The following BAG3 variants were observed in gnomAD, a reference collection of about 807,000 sequenced individuals.
BAG3 encodes the protein BAG family molecular chaperone regulator 3.
A neutral mutation model predicts 40.5 loss-of-function variants in BAG3; 14 were observed. The observed-to-expected ratio is 0.35, with a 90% CI of 0.23 to 0.54. The LOEUF is 0.54. BAG3 is among the 20% of genes least tolerant of loss of function. The pLI is 0.91. For synonymous variants in BAG3, 302 were observed against 307.8 expected (o/e 0.98, Z 0.20); for missense variants, 788 against 758.6 (o/e 1.04, Z -0.46).
intron 1 of BAG3, among the ~76,000 whole-genome samples, chr10:119,665,119 T>TGTGTGTGTGTGTGG (rs1847043709): frequency 1.3e-5 from 1 of 76,438 alleles, no homozygotes; most frequent in Non-Finnish European, 3.0e-5. Context: ...TGTGTGTGTG[T>TGTGTGTGTGTGTGG]GTGTGTGTAT....
At chr10:119,654,599 A>G (rs548438003) in intron 1 of BAG3, among the ~76,000 whole-genome samples, 117 of 152,332 alleles carry the variant, frequency 7.7e-4, no homozygotes, top group African/African-American at 2.5e-3. Flanking sequence ...CCCGGCAAAG[A>G]TGCTGGGCTT....
At chr10:119,674,292 T>C (rs917768105) in intron 3 of BAG3, among the ~76,000 whole-genome samples, 1 of 152,176 alleles carries the variant, frequency 6.6e-6, no homozygotes, top group African/African-American at 2.4e-5. Context: ...CGAAAGAGAT[T>C]TGATGGAAAA....
At chr10:119,652,660 GTATATT>G (rs1438722112) in intron 1 of BAG3, among the ~76,000 whole-genome samples, 2 of 152,154 alleles carry the variant, frequency 1.3e-5, no homozygotes, top group African/African-American at 4.8e-5. Context: ...AATGATACGT[GTATATT>G]TATAATGGCA....
chr10:119,662,753 G>A (rs1201921324), intron 1 of BAG3, among the ~76,000 whole-genome samples: 3 of 152,042 alleles, frequency 2.0e-5, no homozygotes, highest in Non-Finnish European at 2.9e-5. Context: ...GGTGGCTCAC[G>A]CCTGTAATCT....
At chr10:119,660,574 G>A (rs529684351) in intron 1 of BAG3, among the ~76,000 whole-genome samples, 8 of 152,274 alleles carry the variant, frequency 5.3e-5, no homozygotes, top group African/African-American at 7.2e-5. Context: ...AACAGGGCGC[G>A]GTGGCTCACA....
At chr10:119,654,436 A>C (rs1846884200) in intron 1 of BAG3, among the ~76,000 whole-genome samples, 1 of 152,234 alleles carries the variant, frequency 6.6e-6, no homozygotes, top group Non-Finnish European at 1.5e-5. Flanking sequence ...AAATGGAAAG[A>C]AAAGACTAGA....
chr10:119,670,036 C>A lies in BAG3; in HGVS notation c.366C>A (p.Phe122Leu). The A allele has an allele frequency of 6.2e-7, 1 of 1,614,264 alleles. No individual in the cohort carries two copies. Among genetic ancestry groups the A allele is most frequent in the Non-Finnish European group, 8.5e-7 (1 of 1,180,050 alleles). The change falls in exon 2 of 4, where the codon TTC becomes TTA. Residue 122 changes from phenylalanine to leucine, a missense_variant. Coordinates refer to ENST00000369085, the MANE Select transcript of BAG3 (RefSeq NM_004281.4). ...ATCCCCAGCCTGGGATGCAGCGATT[C>A]CGAACTGAGGCGGCAGCAGCGGCTC... The part of the protein sequence containing the change: ...HVYPQPGMQR[F>L]RTEAAAAAPQ...
chr10:119,651,709 G>A lies in BAG3; in HGVS notation c.34G>A (p.Val12Met), dbSNP rs367917821. The change falls in exon 1 of 4, where the codon GTG (valine) becomes ATG (methionine). Residue 12 changes from valine to methionine, a missense_variant. By Grantham distance (21) the Val-to-Met change is conservative. Transcript: ENST00000369085. ...CGCCACCCACTCGCCCATGATGCAG[G>A]TGGCGTCCGGCAACGGTGACCGCGA... is the stretch of plus-strand genomic sequence containing the variant. Reference protein sequence around the residue: ...SAATHSPMMQVASGNGDRDPL... With the variant: ...SAATHSPMMQMASGNGDRDPL... The A allele has an allele frequency of 2.8e-5, 45 of 1,594,808 alleles. 1 individual carries two copies. Among genetic ancestry groups the A allele is most frequent in the Middle Eastern group, 1.7e-4 (1 of 6,012 alleles).
chr10:119,665,674 T>C (rs2577340), intron 1 of BAG3, among the ~76,000 whole-genome samples: 106,666 of 152,076 alleles, frequency 0.7, 37,732 homozygotes, highest in Middle Eastern at 0.74. Flanking sequence ...TCAGCATTCC[T>C]GGCATAGACC....
At chr10:119,670,282 C>T in intron 2 of BAG3, 105 bp downstream of exon 2, 1 of 1,256,624 alleles carries the variant, frequency 8.0e-7, no homozygotes, top group East Asian at 2.5e-5. Context: ...CACCTGTTCA[C>T]ATGCAGGGCA....
chr10:119,668,288 A>T (rs937274078), intron 1 of BAG3, among the ~76,000 whole-genome samples: 4 of 152,222 alleles, frequency 2.6e-5, no homozygotes, highest in Non-Finnish European at 5.9e-5. Flanking sequence ...CACAAATAGA[A>T]ACATCACAGA....
At chr10:119,665,140 A>T (rs112119687) in intron 1 of BAG3, among the ~76,000 whole-genome samples, 33,129 of 82,070 alleles carry the variant, frequency 0.4, 7,689 homozygotes, top group African/African-American at 0.42. Flanking sequence ...ATATATATAT[A>T]TATATTTTTT....
chr10:119,652,362 C>G (rs2038965610), intron 1 of BAG3, among the ~76,000 whole-genome samples: 2 of 152,238 alleles, frequency 1.3e-5, no homozygotes, highest in African/African-American at 4.8e-5. Context: ...CTCAAGTTCT[C>G]CAACTTGGTT....
chr10:119,666,092 G>A (rs2134060926), intron 1 of BAG3, among the ~76,000 whole-genome samples: 1 of 152,126 alleles, frequency 6.6e-6, no homozygotes, highest in South Asian at 2.1e-4. Context: ...CATTTTTCTG[G>A]GTGCCCTTTA....
Position 119,676,529 on chromosome 10 carries a change from A to G in BAG3, c.975A>G (p.Pro325=). The G allele has an allele frequency of 6.2e-7, 1 of 1,614,086 alleles. No individual in the cohort carries two copies. ...CTGAAAACAAACCAGAAAGTAAGCC[A>G]GGCCCAGTTGGACCAGAACTCCCTC... ...SQPENKPESK[P]GPVGPELPPG... The change falls in exon 4 of 4, where the codon CCA becomes CCG. Residue 325 remains proline (P), a synonymous_variant. Coordinates refer to ENST00000369085, the MANE Select transcript of BAG3 (RefSeq NM_004281.4).
At position 119,672,155 on chromosome 10, in the gene BAG3, T is replaced by C; in HGVS notation, c.508-100T>C. 5 of 1,470,854 alleles carry C rather than the reference T, an allele frequency of 3.4e-6. No homozygotes were observed. Among genetic ancestry groups the C allele is most frequent in the Non-Finnish European group, 3.8e-6 (4 of 1,062,966 alleles). 91.1% of individuals were successfully genotyped at this position (1,470,854 alleles called of 1,614,324 possible). On this transcript the variant is annotated intron_variant, in intron 2 of 3. Coordinates refer to ENST00000369085, the MANE Select transcript of BAG3 (RefSeq NM_004281.4). This position sits in a 1 kb window ranked among gnomAD's most constrained non-coding sequence, Gnocchi z 4.8. Reference sequence around the variant, plus strand: ...ATTACAGATAGGAGGTCTTACAATATGGATTGCCCTGAGGAGGTGCACAGC... The same window carrying C: ...ATTACAGATAGGAGGTCTTACAATACGGATTGCCCTGAGGAGGTGCACAGC...
chr10:119,665,093 TGTGTGTGTGTG>T (rs1847042625), intron 1 of BAG3, among the ~76,000 whole-genome samples: 4 of 15,186 alleles, frequency 2.6e-4, no homozygotes, highest in East Asian at 7.3e-4. Context: ...AATTTTTGTT[TGTGTGTGTGTG>T]TGTGTGTGTG....
intron 1 of BAG3, among the ~76,000 whole-genome samples, chr10:119,663,568 C>T (rs1322594902): frequency 6.6e-6 from 1 of 152,166 alleles, no homozygotes; most frequent in Non-Finnish European, 1.5e-5. Context: ...CCCGCCTCGG[C>T]CTCCCAAAGT....
rs776827876 is a variant in BAG3, at chr10:119,669,972, A to G, written c.302A>G (p.Glu101Gly). 3 of 1,614,042 alleles carry G rather than the reference A, an allele frequency of 1.9e-6. No individual in the cohort carries two copies. In the African/African-American group the frequency reaches 4.0e-5, roughly 22 times the overall value. ...PGYIPIPVLH[E>G]GAENRQVHPF... ...TACATTCCCATTCCTGTGCTCCATG[A>G]AGGCGCTGAGAACCGGCAGGTGCAC... Residue 101 changes from glutamate (E) to glycine (G), a missense_variant, in exon 2 of 4, where the codon GAA (glutamate) becomes GGA (glycine). Coordinates refer to ENST00000369085, the MANE Select transcript of BAG3 (RefSeq NM_004281.4).
Sources: allele counts gnomAD v4.1 joint callset (sites outside exome capture counted in the v4.1 genomes callset), GRCh38; gene constraint gnomAD v4.1.1; non-coding constraint Gnocchi (gnomAD v3.1); transcripts MANE v1.5; gene names NCBI Gene and HGNC (gene_info 2026-07-23, HGNC 2026-07-21).